The following KCNAB1 variants were observed in gnomAD, a reference collection of about 807,000 sequenced individuals.
KCNAB1 encodes the protein voltage-gated potassium channel subunit beta-1.
KCNAB1 carries 35 observed loss-of-function variants against 64.6 expected under a neutral mutation model. That is an observed-to-expected ratio of 0.54 (90% CI 0.41 to 0.72). The LOEUF is 0.72. Ranked by LOEUF, KCNAB1 falls within the 30% of genes least tolerant of loss-of-function variation. The pLI is 0.00. For synonymous variants in KCNAB1, 177 were observed against 183.8 expected (o/e 0.96, Z 0.30); for missense variants, 401 against 512.9 (o/e 0.78, Z 2.11).
intron 2 of KCNAB1, among the ~76,000 whole-genome samples, chr3:156,451,931 A>G (rs991666547): frequency 1.1e-4 from 17 of 152,128 alleles, no homozygotes; most frequent in African/African-American, 4.1e-4. Context: ...CAATCTAAAT[A>G]GAGCACTCCC....
At chr3:156,118,436 C>T (rs1713173823), upstream of KCNAB1, 1 of 376,714 alleles carries the variant, frequency 2.7e-6, no homozygotes, top group Non-Finnish European at 5.4e-6. Context: ...AGCACCACTT[C>T]CACCACGTTT....
chr3:156,368,083 A>C (rs986917201), intron 1 of KCNAB1, among the ~76,000 whole-genome samples: 1 of 152,250 alleles, frequency 6.6e-6, no homozygotes, highest in African/African-American at 2.4e-5. Flanking sequence ...AAGGTTGCCA[A>C]ATTTAGCAAA....
intron 1 of KCNAB1, among the ~76,000 whole-genome samples, chr3:156,395,605 A>C (rs1182668657): frequency 1.4e-5 from 2 of 140,800 alleles, no homozygotes; most frequent in Admixed American, 1.5e-4. Context: ...GTTATTTGTG[A>C]AGGCCATTGG....
In KCNAB1 at chr3:156,305,614, C is replaced by T. The variant is rs536363930; in HGVS notation, c.276-116002C>T. 2.1e-4 allele frequency among the ~76,000 whole-genome samples: 32 copies of T among 152,290 alleles called. No homozygotes were observed. The South Asian group carries it at 3.3e-3, about 16-fold the overall frequency. On this transcript the variant is annotated intron_variant, in intron 1 of 13. Coordinates refer to ENST00000490337, the MANE Select transcript of KCNAB1 (RefSeq NM_172160.3). ...CCTTGGTGTCCCCCAAATTATTCTG[C>T]CATAATGACTGGAAACTAATAGTTG...
intron 9 of KCNAB1, among the ~76,000 whole-genome samples, 194 bp downstream of exon 9, chr3:156,514,643 C>T (rs1290090385): frequency 2.6e-5 from 4 of 152,120 alleles, no homozygotes; most frequent in African/African-American, 7.2e-5. Flanking sequence ...ACAGAGAATA[C>T]AGTGTTCTTT....
intron 1 of KCNAB1, among the ~76,000 whole-genome samples, chr3:156,137,589 C>T (rs1469047575): frequency 1.3e-5 from 2 of 151,446 alleles, no homozygotes; most frequent in African/African-American, 4.9e-5. Context: ...TGCTCTATCA[C>T]CCAGGCTGGA....
chr3:156,253,290 A>T (rs1174321321), intron 1 of KCNAB1, among the ~76,000 whole-genome samples: 1 of 152,182 alleles, frequency 6.6e-6, no homozygotes, highest in Non-Finnish European at 1.5e-5. Flanking sequence ...ACTTCCTCTC[A>T]AGACACTGAA....
chr3:156,496,643 A>G (rs183736486), intron 8 of KCNAB1, among the ~76,000 whole-genome samples: 1 of 151,970 alleles, frequency 6.6e-6, no homozygotes, highest in East Asian at 1.9e-4. Context: ...ACCCAAAACT[A>G]TCTAATACTA....
At chr3:156,406,010 G>A (rs190324579) in intron 1 of KCNAB1, among the ~76,000 whole-genome samples, 124 of 152,302 alleles carry the variant, frequency 8.1e-4, no homozygotes, top group African/African-American at 2.8e-3. Flanking sequence ...GTATCTTGGT[G>A]AGAGTTATGG....
chr3:156,270,077 A>C (rs1405644812), intron 1 of KCNAB1, among the ~76,000 whole-genome samples: 1 of 151,792 alleles, frequency 6.6e-6, no homozygotes, highest in African/African-American at 2.4e-5. Context: ...CACTACGCCC[A>C]GCTAATTTTT....
At chr3:156,213,741 A>G (rs1715154204) in intron 1 of KCNAB1, among the ~76,000 whole-genome samples, 1 of 152,174 alleles carries the variant, frequency 6.6e-6, no homozygotes, top group Non-Finnish European at 1.5e-5. Flanking sequence ...TCTACCTGTG[A>G]CATAAGAAAT....
chr3:156,392,022 A>C (rs1348299392), intron 1 of KCNAB1, among the ~76,000 whole-genome samples: 2 of 152,200 alleles, frequency 1.3e-5, no homozygotes, highest in Non-Finnish European at 2.9e-5. Context: ...CTTGGTATAA[A>C]GCATGATTTC....
chr3:156,142,296 G>A (rs1047245443), intron 1 of KCNAB1, among the ~76,000 whole-genome samples: 1 of 152,168 alleles, frequency 6.6e-6, no homozygotes, highest in African/African-American at 2.4e-5. Flanking sequence ...TATGGATTGT[G>A]CTTTTGGTGT....
intron 1 of KCNAB1, among the ~76,000 whole-genome samples, chr3:156,362,305 A>G (rs1455177967): frequency 6.6e-6 from 1 of 152,252 alleles, no homozygotes; most frequent in Non-Finnish European, 1.5e-5. Context: ...TTGTGTAAAT[A>G]GGAATGAGGA....
At chr3:156,281,380 A>G (rs1719703292) in intron 1 of KCNAB1, among the ~76,000 whole-genome samples, 1 of 151,530 alleles carries the variant, frequency 6.6e-6, no homozygotes, top group South Asian at 2.1e-4. Context: ...TATTTTATTG[A>G]GGATTTTTGC....
intron 1 of KCNAB1, chr3:156,142,917 C>T: frequency 9.7e-7 from 1 of 1,031,030 alleles, no homozygotes; most frequent in Non-Finnish European, 1.2e-6. Context: ...ACTCTGAGTA[C>T]TTTAAAGGGA....
chr3:156,143,478 A>G, intron 1 of KCNAB1: 1 of 1,208,936 alleles, frequency 8.3e-7, no homozygotes, highest in South Asian at 2.3e-5. Flanking sequence ...AAAGGTTGTT[A>G]TTAAAGAAAT....
intron 1 of KCNAB1, among the ~76,000 whole-genome samples, chr3:156,320,262 C>T (rs556146216): frequency 2.0e-5 from 3 of 152,256 alleles, no homozygotes; most frequent in South Asian, 2.1e-4. Context: ...ATCTAAACTG[C>T]GAGCTCCTCA....
chr3:156,277,761 A>C (rs1290022041), intron 1 of KCNAB1, among the ~76,000 whole-genome samples: 1 of 152,194 alleles, frequency 6.6e-6, no homozygotes, highest in African/African-American at 2.4e-5. Flanking sequence ...GTATATACCC[A>C]GTAGTGGGAT....
Sources: gnomAD v4.1 joint callset for allele counts (sites outside exome capture counted in the v4.1 genomes callset) on GRCh38, gnomAD v4.1.1 for gene constraint, MANE v1.5 for transcripts, NCBI Gene and HGNC (gene_info 2026-07-23, HGNC 2026-07-21) for gene names.